RNF150: variants seen among roughly 807,000 people sequenced by gnomAD.
RNF150 encodes the protein ring finger protein 150.
RNF150 carries 24 observed loss-of-function variants against 39.3 expected under a neutral mutation model. The observed-to-expected ratio is 0.61, with a 90% CI of 0.44 to 0.86. The LOEUF is 0.86. Among genes scored for constraint, RNF150 ranks in the 40% least tolerant of loss-of-function variants. The probability of loss-of-function intolerance (pLI) is 0.00; values close to 1 mark genes in which losing one functional copy is unlikely to be tolerated. For synonymous variants in RNF150, 255 were observed against 227.3 expected (o/e 1.12, Z -1.10); for missense variants, 502 against 587.8 (o/e 0.85, Z 1.51).
rs540007187 is a variant in RNF150, at chr4:141,028,379, A to G, written c.485-60506T>C. 6.6e-5 allele frequency among the ~76,000 whole-genome samples: 10 copies of G among 152,236 alleles called. No individual in the cohort carries two copies. The East Asian group carries it at 1.9e-3, about 29-fold the overall frequency. On this transcript the variant is annotated intron_variant, in intron 1 of 6. Transcript: ENST00000515673. ...AGGACTGGAGCATATCTCATAAACC[A>G]TTTGCTTAGTCATTTAACTAGAGTG... is the stretch of plus-strand genomic sequence containing the variant.
intron 1 of RNF150, among the ~76,000 whole-genome samples, chr4:141,182,082 A>G (rs946164231): frequency 1.4e-4 from 21 of 151,998 alleles, no homozygotes; most frequent in Admixed American, 6.6e-4. Flanking sequence ...CAAAAACCAC[A>G]TGATTATCTC....
chr4:140,949,498 T>A, intron 2 of RNF150, 126 bp from the exon 3 acceptor site: 1 of 726,616 alleles, frequency 1.4e-6, no homozygotes, highest in Non-Finnish European at 2.3e-6. Context: ...ATGCTAGCAA[T>A]GACGACTAGA....
chr4:141,176,374 C>A (rs1363309965), intron 1 of RNF150, among the ~76,000 whole-genome samples: 2 of 152,126 alleles, frequency 1.3e-5, no homozygotes, highest in Non-Finnish European at 2.9e-5. Flanking sequence ...CTGAGAAAAG[C>A]AAAATTTAAG....
chr4:140,943,037 T>G (rs1236353349), intron 4 of RNF150, among the ~76,000 whole-genome samples: 1 of 152,108 alleles, frequency 6.6e-6, no homozygotes, highest in Non-Finnish European at 1.5e-5. Context: ...AAAAATAAGC[T>G]AAAGGGGGCC....
At chr4:140,992,747 C>T (rs1474977598) in intron 1 of RNF150, among the ~76,000 whole-genome samples, 1 of 152,146 alleles carries the variant, frequency 6.6e-6, no homozygotes, top group Non-Finnish European at 1.5e-5. Flanking sequence ...ATTCTCCTCC[C>T]CCTTTCATGC....
intron 1 of RNF150, among the ~76,000 whole-genome samples, chr4:140,999,656 C>T (rs73858692): frequency 0.076 from 11,524 of 152,028 alleles, 491 homozygotes; most frequent in Middle Eastern, 0.16. Context: ...ATTTCCAGGC[C>T]ACGTGCGGCG....
chr4:140,890,210 C>A (rs1361224384), intron 6 of RNF150, among the ~76,000 whole-genome samples: 6 of 152,118 alleles, frequency 3.9e-5, no homozygotes, highest in Admixed American at 3.9e-4. Flanking sequence ...CGAAAGAAAG[C>A]TTGCTATTTG....
chr4:141,016,893 C>T (rs532733829), intron 1 of RNF150, among the ~76,000 whole-genome samples: 1 of 152,318 alleles, frequency 6.6e-6, no homozygotes, highest in African/African-American at 2.4e-5. Context: ...ATCCTCTCCA[C>T]TGTCAATGCC....
intron 5 of RNF150, among the ~76,000 whole-genome samples, chr4:140,924,002 A>G (rs893792768): frequency 9.2e-5 from 14 of 152,164 alleles, no homozygotes; most frequent in Non-Finnish European, 7.3e-5. Context: ...GGATAGCATT[A>G]GGAGATATAC....
intron 2 of RNF150, among the ~76,000 whole-genome samples, chr4:140,959,325 T>C (rs1385153532): frequency 1.3e-5 from 2 of 152,278 alleles, no homozygotes; most frequent in African/African-American, 4.8e-5. Flanking sequence ...AAGAGTATTG[T>C]GGGCTTGGTC....
At chr4:140,892,781 C>A (rs1729801024) in intron 6 of RNF150, among the ~76,000 whole-genome samples, 1 of 151,666 alleles carries the variant, frequency 6.6e-6, no homozygotes, top group Non-Finnish European at 1.5e-5. Flanking sequence ...TCTGTGGAGG[C>A]TGGTGTAGTG....
At chr4:141,087,732 A>G (rs1738421054) in intron 1 of RNF150, among the ~76,000 whole-genome samples, 1 of 152,102 alleles carries the variant, frequency 6.6e-6, no homozygotes, top group South Asian at 2.1e-4. Context: ...TGGGTCAGTG[A>G]TTTGCATTGG....
chr4:141,141,226 CCTTCTGTAAAGTTTCT>C (rs1376140576), intron 1 of RNF150, among the ~76,000 whole-genome samples: 7 of 152,196 alleles, frequency 4.6e-5, no homozygotes, highest in Non-Finnish European at 7.3e-5. Flanking sequence ...TAGAGCAGTA[CCTTCTGTAAAGTTTCT>C]CTTCTGTAAA....
chr4:140,923,247 C>G (rs1161445015), intron 5 of RNF150, among the ~76,000 whole-genome samples: 1 of 152,116 alleles, frequency 6.6e-6, no homozygotes, highest in African/African-American at 2.4e-5. Flanking sequence ...TATCCAGAAT[C>G]TACAATGAAC....
chr4:141,039,763 G>A (rs1736288282), intron 1 of RNF150, among the ~76,000 whole-genome samples: 1 of 152,046 alleles, frequency 6.6e-6, no homozygotes, highest in African/African-American at 2.4e-5. Flanking sequence ...CTATTTCAGG[G>A]GGCTGATGAT....
intron 1 of RNF150, among the ~76,000 whole-genome samples, chr4:140,970,196 A>G (rs1462914167): frequency 6.6e-6 from 1 of 152,186 alleles, no homozygotes; most frequent in Non-Finnish European, 1.5e-5. Context: ...GCTTCTCAAA[A>G]CCTTACAGCT....
intron 1 of RNF150, among the ~76,000 whole-genome samples, chr4:140,971,453 T>C (rs1419200338): frequency 2.0e-5 from 3 of 152,148 alleles, no homozygotes; most frequent in African/African-American, 7.2e-5. Flanking sequence ...GGCAATTCTA[T>C]TTACTGTGAC....
At chr4:141,156,188 G>A (rs1048303624) in intron 1 of RNF150, among the ~76,000 whole-genome samples, 5 of 152,220 alleles carry the variant, frequency 3.3e-5, no homozygotes, top group African/African-American at 1.2e-4. Context: ...TTGGCCAAGA[G>A]AGTGTCCATT....
At chr4:141,131,261 G>A (rs1578757032) in intron 1 of RNF150, among the ~76,000 whole-genome samples, 1 of 152,224 alleles carries the variant, frequency 6.6e-6, no homozygotes, top group African/African-American at 2.4e-5. Context: ...TTTTGATTAG[G>A]AGACTCCACT....
Sources: gnomAD v4.1 joint callset for allele counts (sites outside exome capture counted in the v4.1 genomes callset) on GRCh38, gnomAD v4.1.1 for gene constraint, MANE v1.5 for transcripts, NCBI Gene and HGNC (gene_info 2026-07-23, HGNC 2026-07-21) for gene names.